The following NR2E3 variants were observed in gnomAD, a reference collection of about 807,000 sequenced individuals.
The protein encoded by NR2E3 is nuclear receptor subfamily 2 group E member 3, also known as photoreceptor-specific nuclear receptor.
A neutral mutation model predicts 37.6 loss-of-function variants in NR2E3; 38 were observed. The observed-to-expected ratio is 1.01, with a 90% CI of 0.78 to 1.33. NR2E3 has a LOEUF of 1.33. NR2E3 is among the 40% of genes most tolerant of loss of function. The pLI is 0.00. For synonymous variants in NR2E3, 235 were observed against 225.1 expected, an observed-to-expected ratio of 1.04 and a Z score of -0.39; for missense variants, 562 against 558.7, an observed-to-expected ratio of 1.01 and a Z score of -0.06.
In NR2E3 at chr15:71,818,063, A is replaced by G. The variant is rs28451480; in HGVS notation, c.*379A>G. On this transcript the variant is annotated 3_prime_UTR_variant, in exon 8 of 8. Coordinates refer to ENST00000617575, the MANE Select transcript of NR2E3 (RefSeq NM_014249.4). ...AATTGACAATAATAGAAGTTGGAAT[A>G]GTGGTTACTTCTGGGTGGTGGGGGA... 2 of 164,848 alleles carry G rather than the reference A, an allele frequency of 1.2e-5. No homozygotes were observed. The highest frequency in any genetic ancestry group is 2.7e-5 in the Non-Finnish European group (2 of 74,864). The allele number at this position is 164,848 out of a possible 1,614,324, so 10.2% of individuals were successfully genotyped here.
Position 71,811,881 on chromosome 15 carries a change from G to T in NR2E3, c.349+12G>T, listed in dbSNP as rs917747358. The T allele has an allele frequency of 2.6e-6, 4 of 1,550,634 alleles. No homozygotes were observed. Among genetic ancestry groups the T allele is most frequent in the African/African-American group, 2.7e-5 (2 of 73,158 alleles). ...GATGAACCAGGACGGTGAGGCGGGG[G>T]CTGGCCCGGGGGGAGGTGACAAGAA... On this transcript the variant is annotated intron_variant, in intron 3 of 7. Coordinates refer to ENST00000617575, the MANE Select transcript of NR2E3 (RefSeq NM_014249.4). This position sits in a 1 kb window ranked among gnomAD's most constrained non-coding sequence, Gnocchi z 5.6.
chr15:71,813,404 G>A lies in NR2E3; in HGVS notation c.763G>A (p.Glu255Lys). The A allele has an allele frequency of 6.2e-7, 1 of 1,611,670 alleles. No homozygotes were observed. The highest frequency in any genetic ancestry group is 8.5e-7 in the Non-Finnish European group (1 of 1,179,014). ...PFRDQVILLE[E>K]AWSELFLLGA... ...CTGAGCACAGGTGATCCTGCTGGAA[G>A]AGGCGTGGAGTGAACTCTTTCTCCT... The change falls in exon 6 of 8, where the codon GAG becomes AAG. Residue 255 changes from glutamate (E) to lysine (K), a missense_variant. Transcript: ENST00000617575. This position sits in a 1 kb window ranked among gnomAD's most constrained non-coding sequence, Gnocchi z 4.7.
chr15:71,817,486 C>A (rs2140294816), intron 7 of NR2E3, 66 bp from the exon 8 acceptor site: 1 of 1,500,282 alleles, frequency 6.7e-7, no homozygotes, highest in Admixed American at 1.8e-5. Context: ...CCTGGGAGGG[C>A]ACCGCCCCAG....
chr15:71,816,228 T>G (rs2054224813), intron 7 of NR2E3, among the ~76,000 whole-genome samples: 1 of 152,064 alleles, frequency 6.6e-6, no homozygotes, highest in South Asian at 2.1e-4. Flanking sequence ...ATCCGTCTTT[T>G]GTGTTGCGGA....
In NR2E3 at chr15:71,810,633, G is replaced by A; in HGVS notation, c.-111G>A. 1 of 1,493,104 alleles carries A rather than the reference G, an allele frequency of 6.7e-7. No individual in the cohort carries two copies. Among genetic ancestry groups the A allele is most frequent in the Non-Finnish European group, 9.0e-7 (1 of 1,110,326 alleles). 92.5% of individuals were successfully genotyped at this position (1,493,104 alleles called of 1,614,324 possible). A position where few individuals can be genotyped will look rare whatever the true frequency, so the allele number is the denominator to read the frequency against. ...AGCTCCTGAGTTCAGACAGAGTTCA[G>A]GAAGGGAGACAGGGGCACAGAGAGA... On this transcript the variant is annotated 5_prime_UTR_variant, in exon 1 of 8. Coordinates refer to ENST00000617575, the MANE Select transcript of NR2E3 (RefSeq NM_014249.4).
intron 7 of NR2E3, among the ~76,000 whole-genome samples, chr15:71,815,217 T>C (rs2054217671): frequency 6.6e-6 from 1 of 152,242 alleles, no homozygotes; most frequent in Non-Finnish European, 1.5e-5. Flanking sequence ...CTGGCTATTT[T>C]AGACCATGTT....
chr15:71,810,994 G>T, intron 1 of NR2E3, 133 bp downstream of exon 1: 2 of 889,042 alleles, frequency 2.2e-6, no homozygotes, highest in Non-Finnish European at 3.2e-6. Flanking sequence ...CAAGGGTGGG[G>T]TAGCCTGTGG....
At position 71,811,051 on chromosome 15, in the gene NR2E3, G is replaced by A. The variant is rs894132921; in HGVS notation, c.118+190G>A. Among the ~76,000 whole-genome samples the A allele has an allele frequency of 6.6e-6, 1 of 152,182 alleles. No individual in the cohort carries two copies. The highest frequency in any genetic ancestry group is 2.4e-5 in the African/African-American group (1 of 41,454). On this transcript the variant is annotated intron_variant, in intron 1 of 7. Transcript: ENST00000617575. The surrounding 1 kb of genome is among the most constrained non-coding windows in gnomAD (Gnocchi z 5.6). The stretch of plus-strand genomic sequence containing the variant: ...CACGGTGGGGCGGGGATGGGGGTTG[G>A]GGGCGGGCAGGCTGCAGAGCCAGGA...
rs757777463 is a variant in NR2E3, at chr15:71,817,539, C to G, written c.1101-13C>G. ...CTGGTCGTAAAACTGATGGCGTCCT[C>G]TCTCCTGTTCAGGTTTGGGAAATTG... On this transcript the variant is annotated splice_polypyrimidine_tract_variant and intron_variant, in intron 7 of 7. Coordinates refer to ENST00000617575, the MANE Select transcript of NR2E3 (RefSeq NM_014249.4). The G allele has an allele frequency of 1.3e-4, 209 of 1,578,214 alleles. No individual in the cohort carries two copies. The highest frequency in any genetic ancestry group is 1.8e-4 in the Non-Finnish European group (206 of 1,152,250).
chr15:71,811,655 G>T lies in NR2E3; in HGVS notation c.245+46G>T. The T allele has an allele frequency of 6.3e-7, 1 of 1,587,450 alleles. No individual in the cohort carries two copies. The highest frequency in any genetic ancestry group is 8.6e-7 in the Non-Finnish European group (1 of 1,166,892). ...TGGGCGTCTGCCCCTGAGGGGTTCT[G>T]GAGGGGTGAGGGGGTGCTCAGGGGA... On this transcript the variant is annotated intron_variant, in intron 2 of 7. Coordinates refer to ENST00000617575, the MANE Select transcript of NR2E3 (RefSeq NM_014249.4). The surrounding 1 kb of genome is among the most constrained non-coding windows in gnomAD (Gnocchi z 5.6).
rs889174873 is a variant in NR2E3, at chr15:71,811,117, C to T, written c.118+256C>T. Among the ~76,000 whole-genome samples, 25 of 152,084 alleles carry T rather than the reference C, an allele frequency of 1.6e-4. No individual in the cohort carries two copies. The highest frequency in any genetic ancestry group is 9.8e-4 in the Admixed American group (15 of 15,276). The stretch of plus-strand genomic sequence containing the variant: ...GATGGGGAAGGAAAGAACAGAGAAG[C>T]GCCCTTAGGGCTTAACAGCACAGAG... On this transcript the variant is annotated intron_variant, in intron 1 of 7. Transcript: ENST00000617575. The surrounding 1 kb of genome is among the most constrained non-coding windows in gnomAD (Gnocchi z 5.6).
At chr15:71,812,707 A>C (rs555008417) in intron 5 of NR2E3, among the ~76,000 whole-genome samples, 196 bp downstream of exon 5, 1 of 152,244 alleles carries the variant, frequency 6.6e-6, no homozygotes, top group Admixed American at 6.5e-5. Context: ...GTGGGGGTGC[A>C]TGCATCTCTG....
At chr15:71,812,817 T>G (rs968118058) in intron 5 of NR2E3, among the ~76,000 whole-genome samples, 1 of 152,130 alleles carries the variant, frequency 6.6e-6, no homozygotes, top group African/African-American at 2.4e-5. Flanking sequence ...CCTCAGGCCC[T>G]GCAGACATTC....
rs1177007813 is a variant in NR2E3, at chr15:71,812,160, G to T, written c.555G>T (p.Lys185Asn). ...ASLITAETCAKLEPEDADENI... is the reference protein window; with the variant it reads ...ASLITAETCANLEPEDADENI... ...TTATAACAGCTGAAACCTGTGCTAAGCTGGAGCCAGAGGATGGTGAGTGGG... is the reference window on the plus strand; with the variant it reads ...TTATAACAGCTGAAACCTGTGCTAATCTGGAGCCAGAGGATGGTGAGTGGG... The change falls in exon 4 of 8, where the codon AAG (lysine) becomes AAT (asparagine). Residue 185 changes from lysine to asparagine, a missense_variant. By Grantham distance (94) the Lys-to-Asn change is moderately conservative. Coordinates refer to ENST00000617575, the MANE Select transcript of NR2E3 (RefSeq NM_014249.4). The T allele has an allele frequency of 2.5e-6, 4 of 1,575,250 alleles. No homozygotes were observed. The highest frequency in any genetic ancestry group is 3.4e-6 in the Non-Finnish European group (4 of 1,161,082).
At position 71,818,242 on chromosome 15, in the gene NR2E3, CAAAAA is replaced by C. The variant is rs531918877; in HGVS notation, c.*562_*566del. On this transcript the variant is annotated 3_prime_UTR_variant, in exon 8 of 8. Coordinates refer to ENST00000617575, the MANE Select transcript of NR2E3 (RefSeq NM_014249.4). ...TCAATAAAAAAGTAAAAAAAAAAAACAAAAAAAACCAGAAAAATGAGTGTGGTCAA... is the reference window on the plus strand; with the variant it reads ...TCAATAAAAAAGTAAAAAAAAAAAACAAACCAGAAAAATGAGTGTGGTCAA... 6.7e-6 allele frequency: 1 copy of C among 149,106 alleles called. No individual in the cohort carries two copies. Among genetic ancestry groups the C allele is most frequent in the Non-Finnish European group, 1.5e-5 (1 of 66,982 alleles). The allele number at this position is 149,106 out of a possible 1,614,324, so 9.2% of individuals were successfully genotyped here.
Position 71,811,549 on chromosome 15 carries a change from A to G in NR2E3, c.185A>G (p.Tyr62Cys), listed in dbSNP as rs775046346. ...AGCAGCGGGAAGCACTATGGCATCTATGCCTGCAACGGCTGCAGCGGCTTC... is the reference window on the plus strand; with the variant it reads ...AGCAGCGGGAAGCACTATGGCATCTGTGCCTGCAACGGCTGCAGCGGCTTC... The part of the protein sequence containing the change: ...DSSSGKHYGI[Y>C]ACNGCSGFFK... The change falls in exon 2 of 8, where the codon TAT (tyrosine) becomes TGT (cysteine). Residue 62 changes from tyrosine to cysteine, a missense_variant. By Grantham distance (194) the Tyr-to-Cys change is radical. Coordinates refer to ENST00000617575, the MANE Select transcript of NR2E3 (RefSeq NM_014249.4). The surrounding 1 kb of genome is among the most constrained non-coding windows in gnomAD (Gnocchi z 5.6). 6.3e-7 allele frequency: 1 copy of G among 1,597,062 alleles called. No homozygotes were observed. The highest frequency in any genetic ancestry group is 8.5e-7 in the Non-Finnish European group (1 of 1,172,264).
rs1358462264 is a variant in NR2E3, at chr15:71,817,657, G to A, written c.1206G>A (p.Lys402=). 2 of 1,606,240 alleles carry A rather than the reference G, an allele frequency of 1.2e-6. No individual in the cohort carries two copies. The highest frequency in any genetic ancestry group is 1.7e-6 in the Non-Finnish European group (2 of 1,173,408). ...RKTIGNTPME[K]LLCDMFKN is the part of the protein sequence containing the mutation. ...CCATAGGGAATACTCCAATGGAGAA[G>A]CTCCTTTGTGATATGTTCAAAAACT... The change falls in exon 8 of 8, where the codon AAG becomes AAA. Residue 402 remains lysine (K), a synonymous_variant. Coordinates refer to ENST00000617575, the MANE Select transcript of NR2E3 (RefSeq NM_014249.4).
rs752000153 is a variant in NR2E3 at position 71,813,333 on chromosome 15, G to C, written c.748-56G>C. ...GCCTGAGATGGTGGCAGAGGCTCCA[G>C]ACTGAGCCAGAGAAGCTGTGTGTCT... On this transcript the variant is annotated intron_variant, in intron 5 of 7. Coordinates refer to ENST00000617575, the MANE Select transcript of NR2E3 (RefSeq NM_014249.4). The surrounding 1 kb of genome is among the most constrained non-coding windows in gnomAD (Gnocchi z 4.7). 168 of 1,582,092 alleles carry C rather than the reference G, an allele frequency of 1.1e-4. No homozygotes were observed. The highest frequency in any genetic ancestry group is 1.4e-4 in the Non-Finnish European group (161 of 1,165,354).
At position 71,814,816 on chromosome 15, in the gene NR2E3, G is replaced by C. The variant is rs2054214986; in HGVS notation, c.1100+699G>C. Reference sequence around the variant, plus strand: ...CTGCCACCTTCCAGATGGTTCCATGGAGTTCTGATCTTTGGGCATGGCCAG... The same window carrying C: ...CTGCCACCTTCCAGATGGTTCCATGCAGTTCTGATCTTTGGGCATGGCCAG... On this transcript the variant is annotated intron_variant, in intron 7 of 7. Transcript: ENST00000617575. The C allele has an allele frequency of 4.1e-6, 4 of 985,710 alleles. No individual in the cohort carries two copies. In the African/African-American group the frequency reaches 7.0e-5, roughly 17 times the overall value. The allele number at this position is 985,710 out of a possible 1,614,324, so 61.1% of individuals were successfully genotyped here.
Sources: gnomAD v4.1 joint callset for allele counts (sites outside exome capture counted in the v4.1 genomes callset) on GRCh38, gnomAD v4.1.1 for gene constraint, Gnocchi (gnomAD v3.1) non-coding constraint, MANE v1.5 for transcripts, NCBI Gene and HGNC (gene_info 2026-07-23, HGNC 2026-07-21) for gene names.